NREP: variants seen among roughly 807,000 people sequenced by gnomAD.
NREP encodes the protein neuronal regeneration-related protein.
In NREP, 5 loss-of-function variants were observed where a neutral mutation model predicts 8.6. The observed-to-expected ratio is 0.58, with a 90% CI of 0.30 to 1.22. The LOEUF (loss-of-function observed/expected upper bound fraction) is 1.22. NREP is among the 50% of genes most tolerant of loss of function. The probability of loss-of-function intolerance (pLI) is 0.07; values close to 1 mark genes in which losing one functional copy is unlikely to be tolerated. For synonymous variants in NREP, 27 were observed against 28.0 expected (o/e 0.96, Z 0.11); for missense variants, 86 against 82.5 (o/e 1.04, Z -0.17).
intron 2 of NREP, among the ~76,000 whole-genome samples, chr5:111,970,754 AG>A (rs1206458449): frequency 7.5e-6 from 1 of 133,454 alleles, no homozygotes; most frequent in African/African-American, 2.8e-5. Context: ...TGAACCCAGG[AG>A]GCGGAGGTTG....
At chr5:111,881,234 A>G (rs1754057586) in intron 2 of NREP, among the ~76,000 whole-genome samples, 1 of 152,318 alleles carries the variant, frequency 6.6e-6, no homozygotes, top group Admixed American at 6.5e-5. Flanking sequence ...CTAGCACAGC[A>G]GTCTGAGATC....
At chr5:111,885,952 C>A (rs985257879) in intron 2 of NREP, among the ~76,000 whole-genome samples, 30 of 152,086 alleles carry the variant, frequency 2.0e-4, no homozygotes, top group South Asian at 8.3e-4. Context: ...CAATGGCAAC[C>A]AAAGCCAAAA....
intron 2 of NREP, among the ~76,000 whole-genome samples, chr5:111,828,223 T>G (rs2112932154): frequency 6.6e-6 from 1 of 152,076 alleles, no homozygotes; most frequent in African/African-American, 2.4e-5. Flanking sequence ...AGAGATGGGG[T>G]TTCTCTGTGT....
intron 2 of NREP, among the ~76,000 whole-genome samples, chr5:111,962,975 G>C (rs536505490): frequency 3.3e-5 from 5 of 152,178 alleles, no homozygotes; most frequent in African/African-American, 1.2e-4. Flanking sequence ...CTTTTTGGAC[G>C]GCAGACAAGA....
chr5:111,840,366 C>G (rs534699322), intron 2 of NREP, among the ~76,000 whole-genome samples: 1 of 152,088 alleles, frequency 6.6e-6, no homozygotes, highest in African/African-American at 2.4e-5. Context: ...TTTTTCTTGC[C>G]TTGTATGTAA....
upstream of NREP, among the ~76,000 whole-genome samples, chr5:111,762,518 A>G (rs1750984343): frequency 6.6e-6 from 1 of 151,686 alleles, no homozygotes; most frequent in South Asian, 2.1e-4. Flanking sequence ...ATGTGACTGT[A>G]TTTGGAGATA....
intron 2 of NREP, among the ~76,000 whole-genome samples, chr5:111,797,288 T>G (rs188889603): frequency 8.2e-4 from 125 of 152,318 alleles, no homozygotes; most frequent in African/African-American, 2.9e-3. Flanking sequence ...CTTGTCCTTA[T>G]AGTGTGGCAT....
At chr5:111,817,622 G>C (rs1476178328) in intron 2 of NREP, among the ~76,000 whole-genome samples, 1 of 151,910 alleles carries the variant, frequency 6.6e-6, no homozygotes, top group Non-Finnish European at 1.5e-5. Context: ...TGGCTAACAT[G>C]GTGAAACCTC....
At chr5:111,751,249 G>A (rs1275696840) in intron 2 of NREP, among the ~76,000 whole-genome samples, 6 of 152,018 alleles carry the variant, frequency 3.9e-5, no homozygotes, top group Admixed American at 1.3e-4. Context: ...ACAAATAATC[G>A]CACCCTGGTT....
chr5:111,876,365 T>C (rs1753909411), intron 2 of NREP, among the ~76,000 whole-genome samples: 1 of 152,186 alleles, frequency 6.6e-6, no homozygotes, highest in Non-Finnish European at 1.5e-5. Context: ...GTATCACTTG[T>C]TTCTTGGTTT....
intron 2 of NREP, among the ~76,000 whole-genome samples, chr5:111,916,537 T>C (rs1755064086): frequency 6.6e-6 from 1 of 152,160 alleles, no homozygotes; most frequent in Non-Finnish European, 1.5e-5. Flanking sequence ...AGTGATTGTA[T>C]CCGACTGTTT....
At chr5:111,893,486 A>C (rs1403979449) in intron 2 of NREP, among the ~76,000 whole-genome samples, 10 of 151,836 alleles carry the variant, frequency 6.6e-5, no homozygotes, top group Non-Finnish European at 2.9e-5. Context: ...TTTCTGGTGA[A>C]ACTTTTTTGT....
chr5:111,931,649 G>A (rs1289002586), intron 2 of NREP, among the ~76,000 whole-genome samples: 1 of 152,040 alleles, frequency 6.6e-6, no homozygotes, highest in Non-Finnish European at 1.5e-5. Context: ...TTAAGTTTTG[G>A]GGACATTTGT....
rs59770586 is a variant in NREP, at chr5:111,752,355, C to A, written c.3+3415G>T. On this transcript the variant is annotated intron_variant, in intron 2 of 3. Transcript: ENST00000257435. ...CTAATTCCTCAAACGATTCCCAATT[C>A]TCTCCCTCACTGTTCACTGGAAACT... is the stretch of plus-strand genomic sequence containing the variant. 9.7e-3 allele frequency among the ~76,000 whole-genome samples: 1,474 copies of A among 152,270 alleles called. 29 individuals carry two copies. Among genetic ancestry groups the A allele is most frequent in the African/African-American group, 0.034 (1,402 of 41,536 alleles).
intron 2 of NREP, among the ~76,000 whole-genome samples, chr5:111,940,688 G>C (rs1278900162): frequency 6.6e-6 from 1 of 151,956 alleles, no homozygotes; most frequent in African/African-American, 2.4e-5. Context: ...CAAACATTAG[G>C]AGTACCCAGG....
chr5:111,833,455 C>T (rs574517491), intron 2 of NREP, among the ~76,000 whole-genome samples: 1 of 152,138 alleles, frequency 6.6e-6, no homozygotes, highest in African/African-American at 2.4e-5. Context: ...CCTTGCAGAC[C>T]GAGGTAAAAT....
At chr5:111,762,007 G>C (rs255901), upstream of NREP, among the ~76,000 whole-genome samples, 25,296 of 152,134 alleles carry the variant, frequency 0.17, 2,576 homozygotes, top group East Asian at 0.53. Flanking sequence ...GCACGGAGAA[G>C]GGGCAGAAAT....
intron 2 of NREP, among the ~76,000 whole-genome samples, chr5:111,909,291 TG>T (rs1754849890): frequency 6.6e-6 from 1 of 152,092 alleles, no homozygotes; most frequent in Admixed American, 6.6e-5. Flanking sequence ...AAGTCTAAGA[TG>T]GTGCAAGAAG....
intron 2 of NREP, among the ~76,000 whole-genome samples, chr5:111,832,867 G>A (rs1272738530): frequency 2.0e-5 from 3 of 152,192 alleles, no homozygotes; most frequent in Non-Finnish European, 2.9e-5. Flanking sequence ...AACGGGGCAA[G>A]TTGGACTCTT....
Sources: allele counts gnomAD v4.1 joint callset (sites outside exome capture counted in the v4.1 genomes callset), GRCh38; gene constraint gnomAD v4.1.1; transcripts MANE v1.5; gene names NCBI Gene and HGNC (gene_info 2026-07-23, HGNC 2026-07-21).